Variants in MOS observed in about 807,000 individuals in gnomAD.
MOS encodes the protein MOS proto-oncogene, serine/threonine kinase.
For missense variants in MOS, 419 were observed against 459.6 expected (o/e 0.91, Z 0.81); for synonymous variants, 190 against 205.2 (o/e 0.93, Z 0.63).
chr8:56,113,657 A>G lies in MOS; in HGVS notation c.326T>C (p.Val109Ala), dbSNP rs747365374. Residue 109 changes from valine (V) to alanine (A), a missense_variant, in exon 1 of 1, where the codon GTA becomes GCA. Transcript: ENST00000311923. This position sits in a 1 kb window ranked among gnomAD's most constrained non-coding sequence, Gnocchi z 5.7. ...GATGTTATCGTGGCGCAGCCTTGCT[A>G]CGTTGAGCTCAGCCCAGAAACTCCG... ...SRRSFWAELN[V>A]ARLRHDNIVR... is the part of the protein sequence containing the mutation. The G allele has an allele frequency of 6.2e-7, 1 of 1,613,792 alleles. No homozygotes were observed. The highest frequency in any genetic ancestry group is 8.5e-7 in the Non-Finnish European group (1 of 1,179,900).
In MOS at chr8:56,113,105, T is replaced by C. The variant is rs765576386; in HGVS notation, c.878A>G (p.Tyr293Cys). Residue 293 changes from tyrosine to cysteine, a missense_variant, in exon 1 of 1, where the codon TAC becomes TGC. By Grantham distance (194) the Tyr-to-Cys change is radical. Transcript: ENST00000311923. This position sits in a 1 kb window ranked among gnomAD's most constrained non-coding sequence, Gnocchi z 5.7. ...AGCGGAGAGGGACGGGCGCAGGTCG[T>C]AGGCCACCACCGCGTACAGTATGTG... ...RQHILYAVVA[Y>C]DLRPSLSAAV... 6.2e-6 allele frequency: 10 copies of C among 1,612,724 alleles called. No individual in the cohort carries two copies. In the Admixed American group the frequency reaches 1.5e-4, roughly 24 times the overall value.
In MOS at chr8:56,113,025, A is replaced by C; in HGVS notation, c.958T>G (p.Cys320Gly). The C allele has an allele frequency of 2.5e-6, 4 of 1,589,746 alleles. No individual in the cohort carries two copies. The highest frequency in any genetic ancestry group is 3.4e-6 in the Non-Finnish European group (4 of 1,168,774). Residue 320 changes from cysteine to glycine, a missense_variant, in exon 1 of 1, where the codon TGC (cysteine) becomes GGC (glycine). By Grantham distance (159) the Cys-to-Gly change is radical. Coordinates refer to ENST00000311923, the MANE Select transcript of MOS (RefSeq NM_005372.1). This position sits in a 1 kb window ranked among gnomAD's most constrained non-coding sequence, Gnocchi z 5.7. ...GQRLGDVIQR[C>G]WRPSAAQRPS... ...CTCTGCGCCGCGCTGGGTCTCCAGC[A>C]GCGCTGGATGACGTCCCCAAGGCGC...
chr8:56,113,008 C>T lies in MOS; in HGVS notation c.975G>A (p.Ala325=), dbSNP rs767577165. 6.3e-7 allele frequency: 1 copy of T among 1,582,328 alleles called. No individual in the cohort carries two copies. The highest frequency in any genetic ancestry group is 8.6e-7 in the Non-Finnish European group (1 of 1,165,462). ...DVIQRCWRPS[A]AQRPSARLLL... ...GCAGCCGCGCGCTCGGCCTCTGCGC[C>T]GCGCTGGGTCTCCAGCAGCGCTGGA... The change falls in exon 1 of 1, where the codon GCG becomes GCA. Residue 325 remains alanine, a synonymous_variant. Coordinates refer to ENST00000311923, the MANE Select transcript of MOS (RefSeq NM_005372.1). This position sits in a 1 kb window ranked among gnomAD's most constrained non-coding sequence, Gnocchi z 5.7.
chr8:56,113,706 T>G lies in MOS; in HGVS notation c.277A>C (p.Thr93Pro). Residue 93 changes from threonine (T) to proline (P), a missense_variant, in exon 1 of 1, where the codon ACC becomes CCC. By Grantham distance (38) the Thr-to-Pro change is conservative. Transcript: ENST00000311923. This position sits in a 1 kb window ranked among gnomAD's most constrained non-coding sequence, Gnocchi z 5.7. ...CGCCGAGATGCTAGTCGGTTCTTGG[T>G]GCACTTGTTCACTTGCTTTATGGCC... is the stretch of plus-strand genomic sequence containing the variant. ...PVAIKQVNKC[T>P]KNRLASRRSF... 2 of 1,614,008 alleles carry G rather than the reference T, an allele frequency of 1.2e-6. No individual in the cohort carries two copies. The highest frequency in any genetic ancestry group is 1.7e-6 in the Non-Finnish European group (2 of 1,179,984).
rs1162543816 is a variant in MOS, at chr8:56,113,935, G to C, written c.48C>G (p.Ser16=). ...ALRPYLRSEF[S]PSVDARPCSS... is the part of the protein sequence containing the mutation. ...TGCAGGGCCGCGCGTCCACCGATGG[G>C]GAAAACTCGCTCCGGAGGTAGGGGC... The change falls in exon 1 of 1, where the codon TCC becomes TCG. Residue 16 remains serine, a synonymous_variant. Coordinates refer to ENST00000311923, the MANE Select transcript of MOS (RefSeq NM_005372.1). The surrounding 1 kb of genome is among the most constrained non-coding windows in gnomAD (Gnocchi z 5.7). 6.3e-7 allele frequency: 1 copy of C among 1,577,758 alleles called. No individual in the cohort carries two copies. The highest frequency in any genetic ancestry group is 2.2e-5 in the East Asian group (1 of 44,698).
chr8:56,113,128 G>A lies in MOS; in HGVS notation c.855C>T (p.His285=). 6.2e-7 allele frequency: 1 copy of A among 1,614,044 alleles called. No individual in the cohort carries two copies. The highest frequency in any genetic ancestry group is 8.5e-7 in the Non-Finnish European group (1 of 1,180,016). ...KQAPYSGERQ[H]ILYAVVAYDL... ...CGTAGGCCACCACCGCGTACAGTAT[G>A]TGCTGCCGCTCCCCCGAATACGGCG... The change falls in exon 1 of 1, where the codon CAC becomes CAT. Residue 285 remains histidine (H), a synonymous_variant. Coordinates refer to ENST00000311923, the MANE Select transcript of MOS (RefSeq NM_005372.1). The surrounding 1 kb of genome is among the most constrained non-coding windows in gnomAD (Gnocchi z 5.7).
chr8:56,113,832 C>A lies in MOS; in HGVS notation c.151G>T (p.Ala51Ser), dbSNP rs758487537. The A allele has an allele frequency of 5.0e-6, 8 of 1,609,978 alleles. No individual in the cohort carries two copies. Among genetic ancestry groups the A allele is most frequent in the Non-Finnish European group, 6.8e-6 (8 of 1,179,154 alleles). ...PRAPRLPRRL[A>S]WCSIDWEQVC... is the part of the protein sequence containing the mutation. ...TGCTCCCAGTCAATGGAGCACCAGGCCAGCCGGCGCGGCAGCCGCGGGGCC... is the reference window on the plus strand; with the variant it reads ...TGCTCCCAGTCAATGGAGCACCAGGACAGCCGGCGCGGCAGCCGCGGGGCC... The change falls in exon 1 of 1, where the codon GCC becomes TCC. Residue 51 changes from alanine (A) to serine (S), a missense_variant. Coordinates refer to ENST00000311923, the MANE Select transcript of MOS (RefSeq NM_005372.1). The surrounding 1 kb of genome is among the most constrained non-coding windows in gnomAD (Gnocchi z 5.7).
rs1391870207 is a variant in MOS, at chr8:56,113,828, C to T, written c.155G>A (p.Trp52Ter). 6.2e-7 allele frequency: 1 copy of T among 1,610,662 alleles called. No individual in the cohort carries two copies. The change falls in exon 1 of 1, where the codon TGG becomes TAG. Residue 52 changes from tryptophan to a stop codon, truncating the protein, a stop_gained. Transcript: ENST00000311923. LOFTEE classifies it low-confidence loss of function (END_TRUNC). This position sits in a 1 kb window ranked among gnomAD's most constrained non-coding sequence, Gnocchi z 5.7. Reference sequence around the variant, plus strand: ...CACCTGCTCCCAGTCAATGGAGCACCAGGCCAGCCGGCGCGGCAGCCGCGG... The same window carrying T: ...CACCTGCTCCCAGTCAATGGAGCACTAGGCCAGCCGGCGCGGCAGCCGCGG... ...RAPRLPRRLA[W>*]CSIDWEQVCL...
Position 56,113,841 on chromosome 8 carries a change from G to A in MOS, c.142C>T (p.Arg48Cys), listed in dbSNP as rs1203706624. ...ATLPRAPRLP[R>C]RLAWCSIDWE... ...TCAATGGAGCACCAGGCCAGCCGGCGCGGCAGCCGCGGGGCCCGAGGAAGA... is the reference window on the plus strand; with the variant it reads ...TCAATGGAGCACCAGGCCAGCCGGCACGGCAGCCGCGGGGCCCGAGGAAGA... The change falls in exon 1 of 1, where the codon CGC (arginine) becomes TGC (cysteine). Residue 48 changes from arginine to cysteine, a missense_variant. Coordinates refer to ENST00000311923, the MANE Select transcript of MOS (RefSeq NM_005372.1). The surrounding 1 kb of genome is among the most constrained non-coding windows in gnomAD (Gnocchi z 5.7). The A allele has an allele frequency of 1.9e-6, 3 of 1,609,230 alleles. No homozygotes were observed. Among genetic ancestry groups the A allele is most frequent in the Non-Finnish European group, 1.7e-6 (2 of 1,178,952 alleles).
Position 56,113,755 on chromosome 8 carries a change from C to T in MOS, c.228G>A (p.Lys76=), listed in dbSNP as rs377452228. The T allele has an allele frequency of 1.9e-6, 3 of 1,613,890 alleles. No individual in the cohort carries two copies. Among genetic ancestry groups the T allele is most frequent in the Non-Finnish European group, 2.5e-6 (3 of 1,179,974 alleles). Residue 76 remains lysine (K), a synonymous_variant, in exon 1 of 1, where the codon AAG becomes AAA. Transcript: ENST00000311923. The surrounding 1 kb of genome is among the most constrained non-coding windows in gnomAD (Gnocchi z 5.7). Reference sequence around the variant, plus strand: ...CCACAGGAACACCGCGGTAAGTCGCCTTGTACACCGAGCCAAACCCTCCAG... The same window carrying T: ...CCACAGGAACACCGCGGTAAGTCGCTTTGTACACCGAGCCAAACCCTCCAG... The part of the protein sequence containing the change: ...LGAGGFGSVY[K]ATYRGVPVAI...
chr8:56,113,852 G>C lies in MOS; in HGVS notation c.131C>G (p.Pro44Arg), dbSNP rs751736206. The change falls in exon 1 of 1, where the codon CCG becomes CGG. Residue 44 changes from proline (P) to arginine (R), a missense_variant. By Grantham distance (103) the Pro-to-Arg change is moderately radical. Coordinates refer to ENST00000311923, the MANE Select transcript of MOS (RefSeq NM_005372.1). This position sits in a 1 kb window ranked among gnomAD's most constrained non-coding sequence, Gnocchi z 5.7. ...LLLGATLPRA[P>R]RLPRRLAWCS... ...CCAGGCCAGCCGGCGCGGCAGCCGC[G>C]GGGCCCGAGGAAGAGTGGCCCCCAG... The C allele has an allele frequency of 4.4e-6, 7 of 1,608,906 alleles. No homozygotes were observed. In the East Asian group the frequency reaches 1.6e-4, roughly 36 times the overall value.
Position 56,113,005 on chromosome 8 carries a change from C to T in MOS, c.978G>A (p.Ala326=). The T allele has an allele frequency of 1.3e-6, 2 of 1,581,838 alleles. No homozygotes were observed. Among genetic ancestry groups the T allele is most frequent in the South Asian group, 2.3e-5 (2 of 86,766 alleles). The change falls in exon 1 of 1, where the codon GCG becomes GCA. Residue 326 remains alanine, a synonymous_variant. Coordinates refer to ENST00000311923, the MANE Select transcript of MOS (RefSeq NM_005372.1). The surrounding 1 kb of genome is among the most constrained non-coding windows in gnomAD (Gnocchi z 5.7). ...AAAGCAGCCGCGCGCTCGGCCTCTG[C>T]GCCGCGCTGGGTCTCCAGCAGCGCT... ...VIQRCWRPSA[A]QRPSARLLLV... is the part of the protein sequence containing the mutation.
Position 56,113,805 on chromosome 8 carries a change from C to T in MOS, c.178G>A (p.Val60Met). 6.2e-7 allele frequency: 1 copy of T among 1,613,456 alleles called. No homozygotes were observed. Among genetic ancestry groups the T allele is most frequent in the Non-Finnish European group, 8.5e-7 (1 of 1,179,858 alleles). The change falls in exon 1 of 1, where the codon GTG becomes ATG. Residue 60 changes from valine (V) to methionine (M), a missense_variant. By Grantham distance (21) the Val-to-Met change is conservative. Transcript: ENST00000311923. The surrounding 1 kb of genome is among the most constrained non-coding windows in gnomAD (Gnocchi z 5.7). ...GCTCCCAGCCTCTGCAGCAAGCACACCTGCTCCCAGTCAATGGAGCACCAG... is the reference window on the plus strand; with the variant it reads ...GCTCCCAGCCTCTGCAGCAAGCACATCTGCTCCCAGTCAATGGAGCACCAG... Reference protein sequence around the residue: ...LAWCSIDWEQVCLLQRLGAGG... With the variant: ...LAWCSIDWEQMCLLQRLGAGG...
At position 56,113,157 on chromosome 8, in the gene MOS, G is replaced by C. The variant is rs1810521411; in HGVS notation, c.826C>G (p.Gln276Glu). The C allele has an allele frequency of 6.2e-7, 1 of 1,614,110 alleles. No individual in the cohort carries two copies. The highest frequency in any genetic ancestry group is 1.3e-5 in the African/African-American group (1 of 75,074). Residue 276 changes from glutamine (Q) to glutamate (E), a missense_variant, in exon 1 of 1, where the codon CAG becomes GAG. Physicochemically the swap from Gln to Glu is conservative, Grantham distance 29. Coordinates refer to ENST00000311923, the MANE Select transcript of MOS (RefSeq NM_005372.1). This position sits in a 1 kb window ranked among gnomAD's most constrained non-coding sequence, Gnocchi z 5.7. ...AITLWQMTTKQAPYSGERQHI... is the reference protein window; with the variant it reads ...AITLWQMTTKEAPYSGERQHI... The stretch of plus-strand genomic sequence containing the variant: ...TGCCGCTCCCCCGAATACGGCGCCT[G>C]CTTGGTAGTCATTTGCCAGAGAGTG...
In MOS at chr8:56,113,483, C is replaced by T; in HGVS notation, c.500G>A (p.Cys167Tyr). The change falls in exon 1 of 1, where the codon TGC (cysteine) becomes TAC (tyrosine). Residue 167 changes from cysteine to tyrosine, a missense_variant. Transcript: ENST00000311923. This position sits in a 1 kb window ranked among gnomAD's most constrained non-coding sequence, Gnocchi z 5.7. ...CAAACTTAACTGTCCTCCAGTGCGG[C>T]AGTGAGGCTCCCCTGCGTCCCCCTC... ...HPEGDAGEPH[C>Y]RTGGQLSLGK... 1.2e-6 allele frequency: 2 copies of T among 1,614,054 alleles called. No homozygotes were observed. The highest frequency in any genetic ancestry group is 1.7e-6 in the Non-Finnish European group (2 of 1,180,028).
rs1208755165 is a variant in MOS, at chr8:56,112,971, G to A, written c.1012C>T (p.Leu338Phe). 1 of 1,568,192 alleles carries A rather than the reference G, an allele frequency of 6.4e-7. No homozygotes were observed. The highest frequency in any genetic ancestry group is 2.0e-5 in the Admixed American group (1 of 50,718). ...RPSARLLLVD[L>F]TSLKAELG ...CCGAGTTCAGCTTTCAAAGAGGTGA[G>A]ATCCACCAAAAGCAGCCGCGCGCTC... The change falls in exon 1 of 1, where the codon CTC becomes TTC. Residue 338 changes from leucine to phenylalanine, a missense_variant. Coordinates refer to ENST00000311923, the MANE Select transcript of MOS (RefSeq NM_005372.1).
Position 56,112,979 on chromosome 8 carries a change from A to G in MOS, c.1004T>C (p.Leu335Ser). The G allele has an allele frequency of 6.4e-7, 1 of 1,574,010 alleles. No individual in the cohort carries two copies. The highest frequency in any genetic ancestry group is 8.6e-7 in the Non-Finnish European group (1 of 1,161,660). ...AGCTTTCAAAGAGGTGAGATCCACCAAAAGCAGCCGCGCGCTCGGCCTCTG... is the reference window on the plus strand; with the variant it reads ...AGCTTTCAAAGAGGTGAGATCCACCGAAAGCAGCCGCGCGCTCGGCCTCTG... ...AAQRPSARLL[L>S]VDLTSLKAEL... Residue 335 changes from leucine (L) to serine (S), a missense_variant, in exon 1 of 1, where the codon TTG becomes TCG. Physicochemically the swap from Leu to Ser is moderately radical, Grantham distance 145 (BLOSUM62 -2). Transcript: ENST00000311923.
In MOS at chr8:56,113,210, G is replaced by A. The variant is rs1437976296; in HGVS notation, c.773C>T (p.Pro258Leu). The A allele has an allele frequency of 3.1e-6, 5 of 1,613,996 alleles. No individual in the cohort carries two copies. Among genetic ancestry groups the A allele is most frequent in the Non-Finnish European group, 8.5e-7 (1 of 1,180,044 alleles). ...GGCAAAGGAATAAATGTCGGCTTTA[G>A]GCGTCACGCCCTCTCCTTTCAGGAG... ...PELLKGEGVT[P>L]KADIYSFAIT... Residue 258 changes from proline (P) to leucine (L), a missense_variant, in exon 1 of 1, where the codon CCT (proline) becomes CTT (leucine). Pro to Leu is a moderately conservative substitution (Grantham distance 98, BLOSUM62 -3). Coordinates refer to ENST00000311923, the MANE Select transcript of MOS (RefSeq NM_005372.1). The surrounding 1 kb of genome is among the most constrained non-coding windows in gnomAD (Gnocchi z 5.7).
At position 56,113,892 on chromosome 8, in the gene MOS, G is replaced by A. The variant is rs1810536087; in HGVS notation, c.91C>T (p.Pro31Ser). The A allele has an allele frequency of 1.3e-6, 2 of 1,597,518 alleles. No homozygotes were observed. The highest frequency in any genetic ancestry group is 1.7e-6 in the Non-Finnish European group (2 of 1,176,248). ...ARPCSSPSEL[P>S]AKLLLGATLP... ...GTGGCCCCCAGAAGCAGCTTCGCAG[G>A]TAGCTCTGAGGGACTGCTGCAGGGC... Residue 31 changes from proline (P) to serine (S), a missense_variant, in exon 1 of 1, where the codon CCT becomes TCT. Coordinates refer to ENST00000311923, the MANE Select transcript of MOS (RefSeq NM_005372.1). The surrounding 1 kb of genome is among the most constrained non-coding windows in gnomAD (Gnocchi z 5.7).
Sources: allele counts gnomAD v4.1 joint callset, GRCh38; gene constraint gnomAD v4.1.1; non-coding constraint Gnocchi (gnomAD v3.1); transcripts MANE v1.5; gene names NCBI Gene and HGNC (gene_info 2026-07-23, HGNC 2026-07-21).